The following SLIT3 variants were observed in gnomAD, a reference collection of about 807,000 sequenced individuals.
SLIT3 encodes the protein slit homolog 3 protein.
Under a neutral mutation model 184.0 loss-of-function variants are expected in SLIT3, and 68 were observed. The ratio of observed to expected loss-of-function variants is 0.37; its 90% CI spans 0.30 to 0.45. SLIT3 has a LOEUF of 0.45. SLIT3 is among the 20% of genes least tolerant of loss of function. The pLI, the probability that SLIT3 is intolerant of heterozygous loss-of-function variation, is 1.00. For synonymous variants in SLIT3, 831 were observed against 828.6 expected, an observed-to-expected ratio of 1.00 and a Z score of -0.05; for missense variants, 1,707 against 2,026.0, an observed-to-expected ratio of 0.84 and a Z score of 3.02.
intron 4 of SLIT3, among the ~76,000 whole-genome samples, chr5:169,101,781 C>CA (rs1760027842): frequency 6.6e-6 from 1 of 152,216 alleles, no homozygotes; most frequent in African/African-American, 2.4e-5. Flanking sequence ...TGGCTACCCT[C>CA]ACCACAGGGC....
chr5:168,698,211 T>A (rs955893441), intron 27 of SLIT3, among the ~76,000 whole-genome samples: 1 of 152,182 alleles, frequency 6.6e-6, no homozygotes, highest in African/African-American at 2.4e-5. Context: ...TGTTATGGGT[T>A]GAATTGTGTT....
intron 4 of SLIT3, among the ~76,000 whole-genome samples, chr5:169,006,569 T>TTCCCCCTCTTCTCTCTCTCTC (rs1581293537): frequency 1.5e-5 from 2 of 134,408 alleles, no homozygotes; most frequent in East Asian, 4.5e-4. Flanking sequence ...TTCTCTCTCT[T>TTCCCCCTCTTCTCTCTCTCTC]TCCCCCTCTT....
At chr5:168,764,330 C>T (rs1755258607) in intron 14 of SLIT3, among the ~76,000 whole-genome samples, 1 of 152,182 alleles carries the variant, frequency 6.6e-6, no homozygotes, top group African/African-American at 2.4e-5. Context: ...TTAATCCTTG[C>T]AACACTCTGA....
Position 168,789,549 on chromosome 5 carries a change from G to A in SLIT3, c.1079+11C>T. 1 of 1,609,734 alleles carries A rather than the reference G, an allele frequency of 6.2e-7. No individual in the cohort carries two copies. Among genetic ancestry groups the A allele is most frequent in the Non-Finnish European group, 8.5e-7 (1 of 1,177,260 alleles). ...CCCCTCACCTCAGGCCCCAACTCGG[G>A]CCCCACTTACAGCGATGTGAGTGAT... is the stretch of plus-strand genomic sequence containing the variant. On this transcript the variant is annotated intron_variant, in intron 11 of 35. Coordinates refer to ENST00000519560, the MANE Select transcript of SLIT3 (RefSeq NM_003062.4).
In SLIT3 at chr5:168,723,116, C is replaced by CATCCACCCACCT. The variant is rs1435208330; in HGVS notation, c.2340-124_2340-113dup. ...CCACCCACTCATCTACCCATCCACCCATCCACCCACCTATTCATTAATTCA... is the reference window on the plus strand; with the variant it reads ...CCACCCACTCATCTACCCATCCACCCATCCACCCACCTATCCACCCACCTATTCATTAATTCA... On this transcript the variant is annotated intron_variant, in intron 21 of 35. Coordinates refer to ENST00000519560, the MANE Select transcript of SLIT3 (RefSeq NM_003062.4). 62 of 735,446 alleles carry CATCCACCCACCT rather than the reference C, an allele frequency of 8.4e-5. 1 individual carries two copies. The highest frequency in any genetic ancestry group is 2.9e-4 in the Admixed American group (15 of 52,090). 45.6% of individuals were successfully genotyped at this position (735,446 alleles called of 1,614,324 possible). A position where few individuals can be genotyped will look rare whatever the true frequency, so the allele number is the denominator to read the frequency against.
intron 27 of SLIT3, among the ~76,000 whole-genome samples, chr5:168,698,235 A>G (rs1326670629): frequency 1.3e-5 from 2 of 152,206 alleles, no homozygotes; most frequent in South Asian, 2.1e-4. Context: ...CCCAAAAAAG[A>G]TATGTTGAAG....
At position 168,674,608 on chromosome 5, in the gene SLIT3, C is replaced by T. The variant is rs533559392; in HGVS notation, c.3687-1277G>A. ...CTGGGTTCAAGCAATTCTCCTGCCT[C>T]GGCCTCCTAAGTAGCTGGGATTACA... is the stretch of plus-strand genomic sequence containing the variant. On this transcript the variant is annotated intron_variant, in intron 32 of 35. Coordinates refer to ENST00000519560, the MANE Select transcript of SLIT3 (RefSeq NM_003062.4). Among the ~76,000 whole-genome samples the T allele has an allele frequency of 5.3e-5, 8 of 151,388 alleles. No individual in the cohort carries two copies. In the South Asian group the frequency reaches 6.3e-4, roughly 12 times the overall value.
chr5:168,755,389 A>ATTTATTTCTTTCTTTC (rs1213373035), intron 16 of SLIT3, among the ~76,000 whole-genome samples: 28 of 133,638 alleles, frequency 2.1e-4, no homozygotes, highest in Admixed American at 4.0e-4. Context: ...CAGTGCCGCC[A>ATTTATTTCTTTCTTTC]TTTCTTTCTT....
intron 4 of SLIT3, among the ~76,000 whole-genome samples, chr5:168,964,955 A>G (rs2113297938): frequency 1.3e-5 from 2 of 152,358 alleles, no homozygotes; most frequent in South Asian, 4.1e-4. Context: ...GGTCACAACC[A>G]GGACCAGAAC....
At chr5:168,707,536 A>T (rs1163523062) in intron 26 of SLIT3, 1 of 164,776 alleles carries the variant, frequency 6.1e-6, no homozygotes, top group Non-Finnish European at 1.3e-5. Context: ...TATTTACATC[A>T]AGCTGGAACC....
intron 3 of SLIT3, among the ~76,000 whole-genome samples, chr5:169,207,390 C>T (rs1269926782): frequency 1.3e-5 from 2 of 150,038 alleles, no homozygotes; most frequent in Admixed American, 1.3e-4. Flanking sequence ...CACACACACA[C>T]ACACACACAC....
intron 16 of SLIT3, among the ~76,000 whole-genome samples, chr5:168,756,759 G>A (rs1754961876): frequency 6.6e-6 from 1 of 152,190 alleles, no homozygotes; most frequent in Admixed American, 6.5e-5. Flanking sequence ...AGAAGAGAAG[G>A]CTTTTGCTCC....
chr5:168,840,615 T>A (rs1054717743), intron 6 of SLIT3, among the ~76,000 whole-genome samples: 1 of 152,162 alleles, frequency 6.6e-6, no homozygotes, highest in Non-Finnish European at 1.5e-5. Flanking sequence ...CTTGGCATAT[T>A]CAACTGCAGT....
chr5:168,985,144 C>T (rs1348407117), intron 4 of SLIT3, among the ~76,000 whole-genome samples: 2 of 152,144 alleles, frequency 1.3e-5, no homozygotes, highest in African/African-American at 4.8e-5. Context: ...CTTCCGTGGC[C>T]ACCCTGGGCT....
chr5:168,961,123 C>T (rs1354716285), intron 4 of SLIT3, among the ~76,000 whole-genome samples: 1 of 152,328 alleles, frequency 6.6e-6, no homozygotes. Context: ...CCTTACCTCC[C>T]CTTTCCCCCT....
At chr5:168,839,611 G>A (rs998587137) in intron 6 of SLIT3, among the ~76,000 whole-genome samples, 1 of 152,198 alleles carries the variant, frequency 6.6e-6, no homozygotes, top group Admixed American at 6.5e-5. Flanking sequence ...ACCTATGGGA[G>A]CAATATGGTG....
At chr5:169,274,305 A>G (rs1394937898) in intron 1 of SLIT3, among the ~76,000 whole-genome samples, 1 of 152,246 alleles carries the variant, frequency 6.6e-6, no homozygotes, top group Admixed American at 6.5e-5. Flanking sequence ...AAAGCCTTGT[A>G]GGATTTGAAT....
chr5:169,126,633 G>T (rs1761090002), intron 4 of SLIT3, among the ~76,000 whole-genome samples: 1 of 152,208 alleles, frequency 6.6e-6, no homozygotes, highest in South Asian at 2.1e-4. Context: ...TCAGACACAG[G>T]CTCTGCTCCC....
intron 11 of SLIT3, among the ~76,000 whole-genome samples, chr5:168,786,616 C>T (rs1397565516): frequency 6.7e-6 from 1 of 149,920 alleles, no homozygotes; most frequent in Non-Finnish European, 1.5e-5. Context: ...AACTCAGAAC[C>T]CTTTTACCCC....
Sources: gnomAD v4.1 joint callset for allele counts (sites outside exome capture counted in the v4.1 genomes callset) on GRCh38, gnomAD v4.1.1 for gene constraint, MANE v1.5 for transcripts, NCBI Gene and HGNC (gene_info 2026-07-23, HGNC 2026-07-21) for gene names.